PSAP: variants seen among roughly 807,000 people sequenced by gnomAD.
PSAP encodes precursor of saposins.
Under a neutral mutation model 66.0 loss-of-function variants are expected in PSAP, and 25 were observed. The observed-to-expected ratio is 0.38, with a 90% CI of 0.28 to 0.53. The LOEUF (loss-of-function observed/expected upper bound fraction) is 0.53, where lower values mean the gene tolerates loss of function less well. Ranked by LOEUF, PSAP falls within the 20% of genes least tolerant of loss-of-function variation. PSAP has a pLI of 0.83. For missense variants in PSAP, 649 were observed against 668.8 expected (o/e 0.97, Z 0.33); for synonymous variants, 273 against 258.9 (o/e 1.05, Z -0.52).
chr10:71,817,410 T>C lies in PSAP; in HGVS notation c.*31A>G. 2 of 1,612,246 alleles carry C rather than the reference T, an allele frequency of 1.2e-6. No homozygotes were observed. The highest frequency in any genetic ancestry group is 1.7e-6 in the Non-Finnish European group (2 of 1,178,224). On this transcript the variant is annotated 3_prime_UTR_variant, in exon 14 of 14. Coordinates refer to ENST00000394936, the MANE Select transcript of PSAP (RefSeq NM_002778.4). ...CACAAGTAGAAAAAAACCAATGCTG[T>C]GGTTTCTGCCAAGATGGAATATTCC...
intron 11 of PSAP, 118 bp from the exon 12 acceptor site, chr10:71,819,229 C>T: frequency 2.8e-6 from 3 of 1,083,632 alleles, no homozygotes; most frequent in Non-Finnish European, 4.2e-6. Flanking sequence ...CATTCCCAGC[C>T]CACTGGGTCC....
chr10:71,835,465 G>C (rs943586030), intron 1 of PSAP, among the ~76,000 whole-genome samples: 1 of 151,844 alleles, frequency 6.6e-6, no homozygotes, highest in Non-Finnish European at 1.5e-5. Flanking sequence ...CCAGCTACTC[G>C]AGAGACTGAG....
intron 3 of PSAP, 76 bp downstream of exon 3, chr10:71,831,770 C>T (rs548462790): frequency 2.1e-6 from 3 of 1,424,006 alleles, no homozygotes; most frequent in Admixed American, 1.7e-5. Flanking sequence ...TCTTTAGACA[C>T]CCGGAATCAC....
intron 13 of PSAP, among the ~76,000 whole-genome samples, chr10:71,818,298 G>A (rs981449946): frequency 1.3e-5 from 2 of 152,148 alleles, no homozygotes; most frequent in Non-Finnish European, 2.9e-5. Context: ...CACAGACCTT[G>A]TACAATCCCT....
Position 71,817,447 on chromosome 10 carries a change from C to T in PSAP, c.1569G>A (p.Trp523Ter). The T allele has an allele frequency of 1.2e-6, 2 of 1,614,172 alleles. No homozygotes were observed. Among genetic ancestry groups the T allele is most frequent in the East Asian group, 2.2e-5 (1 of 44,888 alleles). ...NAVEHCKRHV[W>*]N ...AGATGGAATATTCCTCCTCCTAGTT[C>T]CACACATGGCGTTTGCAATGCTCGA... The change falls in exon 14 of 14, where the codon TGG becomes TGA. Residue 523 changes from tryptophan (W) to a stop codon, truncating the protein, a stop_gained. Coordinates refer to ENST00000394936, the MANE Select transcript of PSAP (RefSeq NM_002778.4). LOFTEE classifies it high-confidence loss of function.
intron 1 of PSAP, among the ~76,000 whole-genome samples, chr10:71,836,223 T>C (rs1842625393): frequency 6.6e-6 from 1 of 152,228 alleles, no homozygotes; most frequent in Non-Finnish European, 1.5e-5. Flanking sequence ...GTTTGGACTC[T>C]AGTTTCCAGG....
At chr10:71,818,233 G>A (rs957803185) in intron 13 of PSAP, among the ~76,000 whole-genome samples, 6 of 152,210 alleles carry the variant, frequency 3.9e-5, no homozygotes, top group Admixed American at 2.0e-4. Flanking sequence ...GCTTCAGCAA[G>A]GGCAAACATG....
chr10:71,848,715 A>C (rs1480618059), intron 1 of PSAP, among the ~76,000 whole-genome samples: 1 of 152,244 alleles, frequency 6.6e-6, no homozygotes, highest in African/African-American at 2.4e-5. Context: ...CAATGGCTGC[A>C]GTCACCAGGC....
intron 2 of PSAP, among the ~76,000 whole-genome samples, chr10:71,833,289 T>C (rs1381634800): frequency 5.9e-5 from 9 of 151,918 alleles, no homozygotes; most frequent in African/African-American, 2.2e-4. Flanking sequence ...AAAAACACTA[T>C]CTCTACAAAA....
rs182582482 is a variant in PSAP at position 71,826,382 on chromosome 10, T to A, written c.721-489A>T. ...GACAATCTAGATACTTCCAGTAGAC[T>A]CCACAGAATTGCTCCTTGTATTTGG... On this transcript the variant is annotated intron_variant, in intron 6 of 13. Coordinates refer to ENST00000394936, the MANE Select transcript of PSAP (RefSeq NM_002778.4). Among the ~76,000 whole-genome samples the A allele has an allele frequency of 1.2e-4, 18 of 152,334 alleles. No homozygotes were observed. The South Asian group carries it at 3.7e-3, about 32-fold the overall frequency.
chr10:71,833,025 AAAAAAACAAAAAAC>A (rs1227308988), intron 2 of PSAP, among the ~76,000 whole-genome samples: 4 of 146,986 alleles, frequency 2.7e-5, no homozygotes, highest in Admixed American at 1.3e-4. Context: ...TCAAAAAAAA[AAAAAAACAAAAAAC>A]AAAAACAGAA....
At chr10:71,822,284 A>G in intron 7 of PSAP, 1 of 458,150 alleles carries the variant, frequency 2.2e-6, no homozygotes, top group Non-Finnish European at 4.0e-6. Flanking sequence ...CACGAGGGAG[A>G]CTCCCCAGCA....
chr10:71,846,778 C>A lies in PSAP; in HGVS notation c.40+4404G>T, dbSNP rs868663598. Among the ~76,000 whole-genome samples the A allele has an allele frequency of 1.1e-4, 16 of 141,956 alleles. No individual in the cohort carries two copies. The East Asian group carries it at 3.3e-3, about 30-fold the overall frequency. 93.1% of individuals were successfully genotyped at this position (141,956 alleles called of 152,430 possible). A position where few individuals can be genotyped will look rare whatever the true frequency, so the allele number is the denominator to read the frequency against. On this transcript the variant is annotated intron_variant, in intron 1 of 13. Transcript: ENST00000394936. ...AAAAGGCAAGCAGGGCAATGTAATTCTAATTAGTACTCTCTTTCATTGATC... is the reference window on the plus strand; with the variant it reads ...AAAAGGCAAGCAGGGCAATGTAATTATAATTAGTACTCTCTTTCATTGATC...
rs1227201557 is a variant in PSAP at position 71,819,448 on chromosome 10, C to G, written c.1350+17G>C. On this transcript the variant is annotated intron_variant, in intron 11 of 13. Coordinates refer to ENST00000394936, the MANE Select transcript of PSAP (RefSeq NM_002778.4). ...GTTCTGCCATGCTGGCCTACCGCAG[C>G]CCAGCCCGGGGCGTACCTGCTTCTG... The G allele has an allele frequency of 4.3e-6, 7 of 1,613,706 alleles. No homozygotes were observed. The highest frequency in any genetic ancestry group is 5.1e-6 in the Non-Finnish European group (6 of 1,180,006).
intron 8 of PSAP, 122 bp from the exon 9 acceptor site, chr10:71,820,457 C>T: frequency 1.3e-6 from 1 of 781,116 alleles, no homozygotes; most frequent in Admixed American, 1.9e-5. Flanking sequence ...GCCACTGCCT[C>T]CTGAATTCCA....
chr10:71,831,957 A>G, intron 2 of PSAP, 37 bp from the exon 3 acceptor site: 1 of 1,563,658 alleles, frequency 6.4e-7, no homozygotes. Flanking sequence ...TATTTGCAGG[A>G]CACAAATTCA....
intron 1 of PSAP, among the ~76,000 whole-genome samples, chr10:71,836,255 A>G (rs1435294028): frequency 6.6e-6 from 1 of 152,140 alleles, no homozygotes; most frequent in Non-Finnish European, 1.5e-5. Context: ...GCCAGATGCA[A>G]ATCAGTACCA....
chr10:71,820,358 G>A, intron 8 of PSAP, 23 bp from the exon 9 acceptor site: 1 of 1,582,556 alleles, frequency 6.3e-7, no homozygotes. Context: ...TAGAAGGAGA[G>A]TACTTTCAAT....
In PSAP at chr10:71,850,220, G is replaced by C. The variant is rs571910644; in HGVS notation, c.40+962C>G. On this transcript the variant is annotated intron_variant, in intron 1 of 13. Transcript: ENST00000394936. ...AGATCCAGGAGATAATCAACTAAGAGCCAGTCACCCTTTCATTTCCATAGA... is the reference window on the plus strand; with the variant it reads ...AGATCCAGGAGATAATCAACTAAGACCCAGTCACCCTTTCATTTCCATAGA... 1.8e-3 allele frequency among the ~76,000 whole-genome samples: 279 copies of C among 152,174 alleles called. 3 individuals carry two copies. The highest frequency in any genetic ancestry group is 6.4e-3 in the African/African-American group (267 of 41,486).
Sources: allele counts gnomAD v4.1 joint callset (sites outside exome capture counted in the v4.1 genomes callset), GRCh38; gene constraint gnomAD v4.1.1; transcripts MANE v1.5; gene names NCBI Gene and HGNC (gene_info 2026-07-23, HGNC 2026-07-21).